Variants in PLCL2 observed in about 807,000 individuals in gnomAD.
The protein encoded by PLCL2 is inactive phospholipase C-like protein 2.
In PLCL2, 4 loss-of-function variants were observed where a neutral mutation model predicts 79.6. The ratio of observed to expected loss-of-function variants is 0.05; its 90% CI spans 0.02 to 0.11. The LOEUF (loss-of-function observed/expected upper bound fraction) is 0.11. Ranked by LOEUF, PLCL2 falls within the 10% of genes least tolerant of loss-of-function variation. The probability of loss-of-function intolerance (pLI) is 1.00; values close to 1 mark genes in which losing one functional copy is unlikely to be tolerated. For missense variants in PLCL2, 895 were observed against 1,291.0 expected (o/e 0.69, Z 4.70); for synonymous variants, 484 against 457.7 (o/e 1.06, Z -0.73).
intron 1 of PLCL2, among the ~76,000 whole-genome samples, chr3:16,915,324 T>C (rs1438429327): frequency 6.6e-6 from 1 of 152,198 alleles, no homozygotes; most frequent in Admixed American, 6.5e-5. Context: ...TTGCAGTCTT[T>C]TTTATTTTTA....
intron 4 of PLCL2, among the ~76,000 whole-genome samples, chr3:17,052,025 A>G (rs1205977038): frequency 6.6e-6 from 1 of 152,100 alleles, no homozygotes; most frequent in East Asian, 1.9e-4. Context: ...AGGATTATTA[A>G]TGCTGTGGAA....
intron 1 of PLCL2, among the ~76,000 whole-genome samples, chr3:16,932,868 A>C (rs1697440228): frequency 6.6e-6 from 1 of 152,232 alleles, no homozygotes; most frequent in Non-Finnish European, 1.5e-5. Context: ...TCAAAGGAAA[A>C]GGAGAAGTCT....
At chr3:16,949,780 C>T (rs1473056362) in intron 1 of PLCL2, among the ~76,000 whole-genome samples, 1 of 152,098 alleles carries the variant, frequency 6.6e-6, no homozygotes, top group Non-Finnish European at 1.5e-5. Flanking sequence ...TTATTTTAGG[C>T]TTAGGTCTTT....
rs1041989129 is a variant in PLCL2, at chr3:16,887,947, G to A, written c.327+2581G>A. ...AGGCAGGAGTAGATTAGTAAGCAAG[G>A]TGATAATTGGGGACTTGAGGGAATA... On this transcript the variant is annotated intron_variant, in intron 1 of 5. Coordinates refer to ENST00000615277, the MANE Select transcript of PLCL2 (RefSeq NM_001144382.2). This position sits in a 1 kb window ranked among gnomAD's most constrained non-coding sequence, Gnocchi z 4.1. Among the ~76,000 whole-genome samples, 1 of 152,226 alleles carries A rather than the reference G, an allele frequency of 6.6e-6. No individual in the cohort carries two copies.
chr3:16,995,154 C>G (rs1453428929), intron 1 of PLCL2, among the ~76,000 whole-genome samples: 1 of 152,244 alleles, frequency 6.6e-6, no homozygotes, highest in East Asian at 1.9e-4. Context: ...GGAACTTGAT[C>G]CCCTGCATGA....
chr3:17,030,165 G>T (rs560501871), intron 3 of PLCL2, among the ~76,000 whole-genome samples: 1 of 152,154 alleles, frequency 6.6e-6, no homozygotes, highest in South Asian at 2.1e-4. Context: ...GGCCTTAAGC[G>T]ATCCTCCAAC....
intron 1 of PLCL2, among the ~76,000 whole-genome samples, chr3:16,893,051 A>G (rs1301717223): frequency 1.3e-5 from 2 of 152,206 alleles, no homozygotes; most frequent in East Asian, 3.8e-4. Flanking sequence ...ATTTTTAATG[A>G]GAAAAGTTTG....
chr3:17,070,903 G>GA (rs1379371909), intron 5 of PLCL2, among the ~76,000 whole-genome samples: 1 of 152,132 alleles, frequency 6.6e-6, no homozygotes, highest in Non-Finnish European at 1.5e-5. Context: ...AGGAAGCCAG[G>GA]AAGACTGCTG....
intron 1 of PLCL2, among the ~76,000 whole-genome samples, chr3:16,980,728 C>G (rs1339849368): frequency 6.6e-6 from 1 of 152,070 alleles, no homozygotes; most frequent in South Asian, 2.1e-4. Flanking sequence ...GCTTCCCAGA[C>G]GGGGTGGCGG....
At chr3:16,915,133 CAATT>C (rs1696963408) in intron 1 of PLCL2, among the ~76,000 whole-genome samples, 1 of 152,180 alleles carries the variant, frequency 6.6e-6, no homozygotes, top group African/African-American at 2.4e-5. Context: ...TGGAACAAAT[CAATT>C]AAAACATATC....
intron 4 of PLCL2, among the ~76,000 whole-genome samples, chr3:17,059,402 A>C (rs1161863486): frequency 1.3e-5 from 2 of 149,780 alleles, no homozygotes; most frequent in African/African-American, 4.9e-5. Flanking sequence ...AAAAGAATAA[A>C]GAGGTATGTA....
At chr3:16,888,718 A>G (rs1696278992) in intron 1 of PLCL2, among the ~76,000 whole-genome samples, 1 of 152,224 alleles carries the variant, frequency 6.6e-6, no homozygotes, top group Non-Finnish European at 1.5e-5. Flanking sequence ...TCAATCTTTT[A>G]ATTCAAGAGC....
chr3:17,071,248 G>A (rs928159212), intron 5 of PLCL2, among the ~76,000 whole-genome samples: 22 of 152,148 alleles, frequency 1.4e-4, no homozygotes, highest in African/African-American at 5.1e-4. Context: ...AGGAGTTCCT[G>A]CCACTAAAAG....
chr3:16,904,517 A>G lies in PLCL2; in HGVS notation c.327+19151A>G, dbSNP rs1696706985. On this transcript the variant is annotated intron_variant, in intron 1 of 5. Coordinates refer to ENST00000615277, the MANE Select transcript of PLCL2 (RefSeq NM_001144382.2). Reference sequence around the variant, plus strand: ...CCCTTTGAATGAGGCCTGTCTTTCAATTCAAGGCTTTGCCATCAACATGAT... The same window carrying G: ...CCCTTTGAATGAGGCCTGTCTTTCAGTTCAAGGCTTTGCCATCAACATGAT... 2.0e-5 allele frequency among the ~76,000 whole-genome samples: 3 copies of G among 152,142 alleles called. 1 individual carries two copies. The highest frequency in any genetic ancestry group is 4.1e-4 in the South Asian group (2 of 4,828).
chr3:16,982,956 C>T (rs977573471), intron 1 of PLCL2, among the ~76,000 whole-genome samples: 2 of 152,112 alleles, frequency 1.3e-5, no homozygotes, highest in Non-Finnish European at 2.9e-5. Context: ...TATGTAAATA[C>T]TAATCTGTTA....
Position 16,912,704 on chromosome 3 carries a change from C to G in PLCL2, c.327+27338C>G, listed in dbSNP as rs2124928992. On this transcript the variant is annotated intron_variant, in intron 1 of 5. Transcript: ENST00000615277. ...CACTGAATTATTCTGCTTTCTTTGA[C>G]TGTTTTCTTTGCTTTAAAAAATATT... Among the ~76,000 whole-genome samples the G allele has an allele frequency of 2.6e-5, 4 of 152,294 alleles. No homozygotes were observed. The South Asian group carries it at 8.3e-4, about 32-fold the overall frequency.
At chr3:16,918,444 A>G (rs1697047938) in intron 1 of PLCL2, among the ~76,000 whole-genome samples, 1 of 152,154 alleles carries the variant, frequency 6.6e-6, no homozygotes. Context: ...ATGTATGAAA[A>G]TGCAATTAAT....
chr3:16,987,496 A>G (rs1184316451), intron 1 of PLCL2, among the ~76,000 whole-genome samples: 1 of 152,148 alleles, frequency 6.6e-6, no homozygotes, highest in Non-Finnish European at 1.5e-5. Flanking sequence ...GAAATTTATC[A>G]TCTTTACAAC....
chr3:16,963,659 A>G (rs2063776747), intron 1 of PLCL2, among the ~76,000 whole-genome samples: 1 of 152,174 alleles, frequency 6.6e-6, no homozygotes. Flanking sequence ...TCATAAAAGT[A>G]CTCAAAAGGC....
Sources: allele counts gnomAD v4.1 joint callset (sites outside exome capture counted in the v4.1 genomes callset), GRCh38; gene constraint gnomAD v4.1.1; non-coding constraint Gnocchi (gnomAD v3.1); transcripts MANE v1.5; gene names NCBI Gene and HGNC (gene_info 2026-07-23, HGNC 2026-07-21).